Variants in IFFO2 observed in about 807,000 individuals in gnomAD.
IFFO2 encodes the protein intermediate filament family orphan 2.
Under a neutral mutation model 53.5 loss-of-function variants are expected in IFFO2, and 19 were observed. That is an observed-to-expected ratio of 0.36 (90% CI 0.25 to 0.52). The LOEUF (loss-of-function observed/expected upper bound fraction) is 0.52. Among genes scored for constraint, IFFO2 ranks in the 20% least tolerant of loss-of-function variants. The pLI is 0.94. For synonymous variants in IFFO2, 303 were observed against 313.6 expected (o/e 0.97, Z 0.36); for missense variants, 570 against 727.4 (o/e 0.78, Z 2.49).
At chr1:18,948,348 C>T (rs776896346) in intron 1 of IFFO2, among the ~76,000 whole-genome samples, 5 of 152,186 alleles carry the variant, frequency 3.3e-5, no homozygotes, top group Non-Finnish European at 7.3e-5. Flanking sequence ...ACGGAGAGAA[C>T]GTAGTCTTCA....
chr1:18,937,712 AG>A (rs1420165584), intron 1 of IFFO2, among the ~76,000 whole-genome samples: 4 of 152,214 alleles, frequency 2.6e-5, no homozygotes, highest in Non-Finnish European at 4.4e-5. Flanking sequence ...TGACTCATCC[AG>A]GGTCACATAA....
intron 1 of IFFO2, among the ~76,000 whole-genome samples, chr1:18,934,875 G>A (rs1056270710): frequency 2.0e-5 from 3 of 152,208 alleles, no homozygotes; most frequent in East Asian, 1.9e-4. Context: ...CACTGTCAGC[G>A]CAGAGTCCTT....
At position 18,955,874 on chromosome 1, in the gene IFFO2, G is replaced by C; in HGVS notation, c.459C>G (p.His153Gln). 3 of 1,381,478 alleles carry C rather than the reference G, an allele frequency of 2.2e-6. No homozygotes were observed. Among genetic ancestry groups the C allele is most frequent in the Non-Finnish European group, 2.8e-6 (3 of 1,077,614 alleles). 85.6% of individuals were successfully genotyped at this position (1,381,478 alleles called of 1,614,324 possible). ...LPPGGGSHPQ[H>Q]YGRLPGTIWS... Reference sequence around the variant, plus strand: ...AGATGGTCCCGGGCAGGCGGCCGTAGTGCTGCGGGTGCGAGCCGCCGCCGG... The same window carrying C: ...AGATGGTCCCGGGCAGGCGGCCGTACTGCTGCGGGTGCGAGCCGCCGCCGG... The change falls in exon 1 of 9, where the codon CAC becomes CAG. Residue 153 changes from histidine to glutamine, a missense_variant. By Grantham distance (24) the His-to-Gln change is conservative (BLOSUM62 0). Coordinates refer to ENST00000455833, the MANE Select transcript of IFFO2 (RefSeq NM_001136265.2).
chr1:18,928,665 G>A lies in IFFO2; in HGVS notation c.666-7544C>T, dbSNP rs902055701. Among the ~76,000 whole-genome samples, 4 of 152,210 alleles carry A rather than the reference G, an allele frequency of 2.6e-5. No homozygotes were observed. Among genetic ancestry groups the A allele is most frequent in the Non-Finnish European group, 5.9e-5 (4 of 68,034 alleles). ...TGACATCCATAGGGAAGTTCCCTGT[G>A]GAAGAGCGGGTACTGGGCTAGGAAG... On this transcript the variant is annotated intron_variant, in intron 1 of 8. Coordinates refer to ENST00000455833, the MANE Select transcript of IFFO2 (RefSeq NM_001136265.2). The surrounding 1 kb of genome is among the most constrained non-coding windows in gnomAD (Gnocchi z 4.9).
At chr1:18,924,810 A>C (rs890080044) in intron 1 of IFFO2, among the ~76,000 whole-genome samples, 2 of 152,046 alleles carry the variant, frequency 1.3e-5, no homozygotes, top group Non-Finnish European at 2.9e-5. Flanking sequence ...TCTTTTGAAG[A>C]CTCCAGAATA....
chr1:18,955,948 C>A lies in IFFO2; in HGVS notation c.385G>T (p.Ala129Ser). ...GCATTGGCGTTGGCGCCGGCCGCCG[C>A]GCCACTGCTGAGGCCGTGCCCGCCG... ...PGGGHGLSSG[A>S]AAGANANAVA... The change falls in exon 1 of 9, where the codon GCG becomes TCG. Residue 129 changes from alanine (A) to serine (S), a missense_variant. By Grantham distance (99) the Ala-to-Ser change is moderately conservative. Transcript: ENST00000455833. 2 of 1,264,906 alleles carry A rather than the reference C, an allele frequency of 1.6e-6. No individual in the cohort carries two copies. Among genetic ancestry groups the A allele is most frequent in the Middle Eastern group, 3.0e-4 (1 of 3,372 alleles). 78.4% of individuals were successfully genotyped at this position (1,264,906 alleles called of 1,614,324 possible).
At position 18,908,576 on chromosome 1, in the gene IFFO2, C is replaced by T. The variant is rs1260134503; in HGVS notation, c.1539G>A (p.Glu513=). 1.3e-6 allele frequency: 2 copies of T among 1,551,480 alleles called. No homozygotes were observed. Among genetic ancestry groups the T allele is most frequent in the Admixed American group, 2.0e-5 (1 of 51,010 alleles). ...GCCTCAGTCATCAGCTGACCATGGG[C>T]TCCACATCCGCCTCGCGCTCGAACT... is the stretch of plus-strand genomic sequence containing the variant. ...QDEFEREADV[E]PMVS Residue 513 remains glutamate (E), a synonymous_variant, in exon 9 of 9, where the codon GAG becomes GAA. Transcript: ENST00000455833.
rs1369720892 is a variant in IFFO2 at position 18,956,291 on chromosome 1, GA to G, written c.41del (p.Phe14SerfsTer29). ...SLLFGEMALA[F>X]GCPPGGGGGG... ...CGCCGCCGCCGCCCGGCGGGCAGCCGAAGGCCAAGGCCATCTCCCCGAACAG... is the reference window on the plus strand; with the variant it reads ...CGCCGCCGCCGCCCGGCGGGCAGCCGAGGCCAAGGCCATCTCCCCGAACAG... On this transcript the variant is annotated frameshift_variant, in exon 1 of 9. Coordinates refer to ENST00000455833, the MANE Select transcript of IFFO2 (RefSeq NM_001136265.2). LOFTEE classifies it high-confidence loss of function. The surrounding 1 kb of genome is among the most constrained non-coding windows in gnomAD (Gnocchi z 6.4). The G allele has an allele frequency of 3.2e-6, 2 of 625,700 alleles. No homozygotes were observed. Among genetic ancestry groups the G allele is most frequent in the African/African-American group, 2.0e-5 (1 of 49,598 alleles). 38.8% of individuals were successfully genotyped at this position (625,700 alleles called of 1,614,324 possible).
At chr1:18,933,487 A>C (rs1364536090) in intron 1 of IFFO2, among the ~76,000 whole-genome samples, 1 of 152,214 alleles carries the variant, frequency 6.6e-6, no homozygotes, top group African/African-American at 2.4e-5. Flanking sequence ...CTTAATACAC[A>C]TAACAGGCCA....
intron 1 of IFFO2, among the ~76,000 whole-genome samples, chr1:18,943,219 T>C (rs964818530): frequency 6.6e-6 from 1 of 151,800 alleles, no homozygotes; most frequent in African/African-American, 2.4e-5. Flanking sequence ...ATTATTTTTT[T>C]TAAAAAAAAA....
intron 1 of IFFO2, among the ~76,000 whole-genome samples, chr1:18,951,474 G>A (rs946992681): frequency 2.0e-5 from 3 of 152,230 alleles, no homozygotes; most frequent in Admixed American, 1.3e-4. Context: ...CCAGCCAGCT[G>A]CAAATCACAC....
At position 18,944,561 on chromosome 1, in the gene IFFO2, C is replaced by G. The variant is rs79921267; in HGVS notation, c.665+11107G>C. Among the ~76,000 whole-genome samples the G allele has an allele frequency of 1.1e-4, 17 of 152,232 alleles. No homozygotes were observed. In the East Asian group the frequency reaches 3.3e-3, roughly 29 times the overall value. On this transcript the variant is annotated intron_variant, in intron 1 of 8. Transcript: ENST00000455833. ...CTCACTAGGCAGCCTCCCTTGCCCC[C>G]CACCATGATGTCAAGACCCTACCCC...
intron 1 of IFFO2, among the ~76,000 whole-genome samples, chr1:18,942,326 G>A (rs1259350926): frequency 6.6e-6 from 1 of 152,212 alleles, no homozygotes; most frequent in African/African-American, 2.4e-5. Flanking sequence ...CTCCTTGTCT[G>A]GGGATGTGGC....
At chr1:18,931,633 A>G (rs1936376275) in intron 1 of IFFO2, among the ~76,000 whole-genome samples, 1 of 152,210 alleles carries the variant, frequency 6.6e-6, no homozygotes, top group South Asian at 2.1e-4. Context: ...TTATTGTAAA[A>G]TGCTGATTAG....
intron 5 of IFFO2, among the ~76,000 whole-genome samples, chr1:18,915,271 G>A (rs562277243): frequency 6.6e-6 from 1 of 152,194 alleles, no homozygotes; most frequent in Non-Finnish European, 1.5e-5. Flanking sequence ...GGTTAGGAGA[G>A]CCCGTGCCCT....
intron 6 of IFFO2, 35 bp from the exon 7 acceptor site, chr1:18,911,511 AT>A (rs904836372): frequency 2.5e-5 from 10 of 402,174 alleles, no homozygotes; most frequent in African/African-American, 2.4e-4. Context: ...AGTTTATTTT[AT>A]TTATTTATTT....
At chr1:18,930,521 C>G (rs1417709311) in intron 1 of IFFO2, among the ~76,000 whole-genome samples, 1 of 152,246 alleles carries the variant, frequency 6.6e-6, no homozygotes, top group Non-Finnish European at 1.5e-5. Context: ...GCAAAACCCA[C>G]TGAAAACCCT....
At chr1:18,914,050 C>G (rs1205908259) in intron 5 of IFFO2, among the ~76,000 whole-genome samples, 2 of 152,184 alleles carry the variant, frequency 1.3e-5, no homozygotes, top group Admixed American at 6.5e-5. Flanking sequence ...CCAGGATGGT[C>G]TCGATCTCCT....
intron 1 of IFFO2, among the ~76,000 whole-genome samples, chr1:18,931,293 C>T (rs1936372085): frequency 6.6e-6 from 1 of 152,158 alleles, no homozygotes; most frequent in African/African-American, 2.4e-5. Context: ...CCCACGTGGG[C>T]ACTCCCCCTA....
Sources: allele counts gnomAD v4.1 joint callset (sites outside exome capture counted in the v4.1 genomes callset), GRCh38; gene constraint gnomAD v4.1.1; non-coding constraint Gnocchi (gnomAD v3.1); transcripts MANE v1.5; gene names NCBI Gene and HGNC (gene_info 2026-07-23, HGNC 2026-07-21).